Variants in C5 observed in about 807,000 individuals in gnomAD.
C5 encodes the protein complement C5, also known as C3 and PZP-like alpha-2-macroglobulin domain-containing protein 4.
A neutral mutation model predicts 218.8 loss-of-function variants in C5; 140 were observed. The observed-to-expected ratio is 0.64, with a 90% CI of 0.56 to 0.74. The LOEUF (loss-of-function observed/expected upper bound fraction) is 0.74, where lower values mean the gene tolerates loss of function less well. C5 is among the 30% of genes least tolerant of loss of function. The probability of loss-of-function intolerance (pLI) is 0.00; values close to 1 mark genes in which losing one functional copy is unlikely to be tolerated. For missense variants in C5, 1,700 were observed against 1,969.6 expected (o/e 0.86, Z 2.59); for synonymous variants, 614 against 682.3 (o/e 0.90, Z 1.56).
rs2047431047 is a variant in C5, at chr9:121,027,172, C to T, written c.861G>A (p.Met287Ile). The change falls in exon 8 of 41, where the codon ATG (methionine) becomes ATA (isoleucine). Residue 287 changes from methionine to isoleucine, a missense_variant. Transcript: ENST00000223642. ...DDQKEMMQTA[M>I]QNTMLINGIA... is the part of the protein sequence containing the mutation. Reference sequence around the variant, plus strand: ...CTTAACATCTTACCATTGTGTTTTGCATTGCTGTTTGCATCATTTCTTTTT... The same window carrying T: ...CTTAACATCTTACCATTGTGTTTTGTATTGCTGTTTGCATCATTTCTTTTT... 1 of 1,563,216 alleles carries T rather than the reference C, an allele frequency of 6.4e-7. No individual in the cohort carries two copies. The highest frequency in any genetic ancestry group is 8.8e-7 in the Non-Finnish European group (1 of 1,137,828).
intron 33 of C5, among the ~76,000 whole-genome samples, chr9:120,964,390 T>C (rs944448373): frequency 6.6e-6 from 1 of 152,142 alleles, no homozygotes; most frequent in Non-Finnish European, 1.5e-5. Context: ...TGCTTGAACC[T>C]GGGAGGCGGA....
intron 20 of C5, among the ~76,000 whole-genome samples, chr9:121,002,519 T>C (rs1184399105): frequency 6.6e-6 from 1 of 151,406 alleles, no homozygotes; most frequent in East Asian, 1.9e-4. Flanking sequence ...GGTTTAAGAG[T>C]GACACCTCCT....
intron 37 of C5, among the ~76,000 whole-genome samples, chr9:120,961,234 T>C (rs1477902792): frequency 6.6e-6 from 1 of 152,168 alleles, no homozygotes; most frequent in Non-Finnish European, 1.5e-5. Context: ...ATGTTGCCCC[T>C]ATAATATTCA....
intron 22 of C5, among the ~76,000 whole-genome samples, chr9:120,995,853 C>CTG (rs2047112607): frequency 7.1e-6 from 1 of 141,058 alleles, no homozygotes. Flanking sequence ...CAGTCTTGCT[C>CTG]TGTCGCCCAG....
At chr9:121,044,949 T>C (rs1303344424) in intron 2 of C5, among the ~76,000 whole-genome samples, 1 of 135,994 alleles carries the variant, frequency 7.4e-6, no homozygotes, top group African/African-American at 2.9e-5. Flanking sequence ...TAACACTTTC[T>C]TTTTTTTTTT....
rs1300075529 is a variant in C5 at position 120,982,700 on chromosome 9, A to G, written c.3345T>C (p.Asn1115=). Residue 1115 remains asparagine, a synonymous_variant, in exon 26 of 41, where the codon AAT becomes AAC. Coordinates refer to ENST00000223642, the MANE Select transcript of C5 (RefSeq NM_001735.3). ...LWLVENYQLD[N]GSFKENSQYQ... is the part of the protein sequence containing the mutation. The stretch of plus-strand genomic sequence containing the variant: ...ACTGTGAATTTTCCTTGAAAGATCC[A>G]TTATCTAATTGATAATTCTCAACTA... 1 of 1,609,016 alleles carries G rather than the reference A, an allele frequency of 6.2e-7. No individual in the cohort carries two copies. Among genetic ancestry groups the G allele is most frequent in the Non-Finnish European group, 8.5e-7 (1 of 1,176,082 alleles).
chr9:121,025,479 A>T lies in C5; in HGVS notation c.975T>A (p.Ile325=), dbSNP rs370834994. The change falls in exon 9 of 41, where the codon ATT becomes ATA. Residue 325 remains isoleucine, a synonymous_variant. Transcript: ENST00000223642. The part of the protein sequence containing the change: ...LEDLNNKYLY[I]AVTVIESTGG... ...CTGTAGACTCTATGACTGTTACAGCAATATAAAGGTACTTGTTGTTTAAAT... is the reference window on the plus strand; with the variant it reads ...CTGTAGACTCTATGACTGTTACAGCTATATAAAGGTACTTGTTGTTTAAAT... The T allele has an allele frequency of 3.7e-6, 6 of 1,610,632 alleles. No homozygotes were observed. Among genetic ancestry groups the T allele is most frequent in the Non-Finnish European group, 5.1e-6 (6 of 1,178,828 alleles).
Position 121,016,413 on chromosome 9 carries a change from T to A in C5, c.1867-30A>T, listed in dbSNP as rs377530954. ...CCAGAAAGGCAAAATGTTGAGCACA[T>A]TGAGATGTATAAATCATTCCTCTAA... is the stretch of plus-strand genomic sequence containing the variant. On this transcript the variant is annotated intron_variant, in intron 14 of 40. Coordinates refer to ENST00000223642, the MANE Select transcript of C5 (RefSeq NM_001735.3). 3.1e-6 allele frequency: 5 copies of A among 1,613,148 alleles called. No homozygotes were observed. The African/African-American group carries it at 6.7e-5, about 22-fold the overall frequency.
chr9:120,999,152 A>G (rs2131725924), intron 20 of C5, among the ~76,000 whole-genome samples: 1 of 152,280 alleles, frequency 6.6e-6, no homozygotes, highest in South Asian at 2.1e-4. Flanking sequence ...TGAAACTGAT[A>G]GAAAATATAA....
At chr9:120,974,713 G>T in intron 30 of C5, 66 bp downstream of exon 30, 1 of 1,351,550 alleles carries the variant, frequency 7.4e-7, no homozygotes, top group Non-Finnish European at 1.1e-6. Flanking sequence ...ATAAAATAAA[G>T]AGTGGAACAG....
intron 12 of C5, among the ~76,000 whole-genome samples, chr9:121,018,376 C>G (rs2047327510): frequency 6.6e-6 from 1 of 151,500 alleles, no homozygotes; most frequent in Non-Finnish European, 1.5e-5. Context: ...GAGTTTGAGA[C>G]CTGCCTGGCC....
intron 20 of C5, chr9:120,999,805 G>T (rs959338076): frequency 2.5e-6 from 1 of 406,792 alleles, no homozygotes; most frequent in African/African-American, 2.1e-5. Context: ...TATCACAGAT[G>T]TACTTGTTTC....
At chr9:120,965,827 G>A (rs2046863471) in intron 33 of C5, among the ~76,000 whole-genome samples, 1 of 152,166 alleles carries the variant, frequency 6.6e-6, no homozygotes, top group Admixed American at 6.5e-5. Context: ...TCTATGAAAA[G>A]GTTGCTGGAG....
At chr9:120,973,325 A>G (rs2046928605) in intron 30 of C5, among the ~76,000 whole-genome samples, 1 of 152,214 alleles carries the variant, frequency 6.6e-6, no homozygotes, top group African/African-American at 2.4e-5. Context: ...GATCCTTCTT[A>G]GAGCTTAGAC....
intron 20 of C5, among the ~76,000 whole-genome samples, chr9:120,998,684 A>T (rs543234416): frequency 6.6e-6 from 1 of 152,314 alleles, no homozygotes; most frequent in Non-Finnish European, 1.5e-5. Context: ...GGTGATGGAA[A>T]CTGGTTGCAT....
At chr9:121,002,320 A>ATG (rs1564146785) in intron 20 of C5, among the ~76,000 whole-genome samples, 4 of 69,620 alleles carry the variant, frequency 5.7e-5, no homozygotes, top group Non-Finnish European at 1.2e-4. Flanking sequence ...GTGTGTGTAT[A>ATG]TATATATATA....
chr9:121,073,607 C>T, the C5 span, among the ~76,000 whole-genome samples: 260 of 151,088 alleles, frequency 1.7e-3, 1 homozygote, highest in African/African-American at 6.1e-3. Flanking sequence ...ACCTCCGCCT[C>T]CCGGGTTCAA....
At chr9:121,002,228 ATG>A (rs1290621517) in intron 20 of C5, among the ~76,000 whole-genome samples, 83 of 55,370 alleles carry the variant, frequency 1.5e-3, no homozygotes, top group Middle Eastern at 0.012. Flanking sequence ...ATATATATAT[ATG>A]TATATATGTA....
At chr9:121,008,966 C>G (rs1338958418) in intron 17 of C5, among the ~76,000 whole-genome samples, 1 of 131,634 alleles carries the variant, frequency 7.6e-6, no homozygotes, top group Admixed American at 7.8e-5. Flanking sequence ...ACTATAAAGG[C>G]CTTAGGATTT....
Sources: gnomAD v4.1 joint callset for allele counts (sites outside exome capture counted in the v4.1 genomes callset) on GRCh38, gnomAD v4.1.1 for gene constraint, MANE v1.5 for transcripts, NCBI Gene and HGNC (gene_info 2026-07-23, HGNC 2026-07-21) for gene names.